Variants in LRBA observed in about 807,000 individuals in gnomAD.
LRBA encodes the protein LPS responsive beige-like anchor protein.
LRBA carries 176 observed loss-of-function variants against 330.0 expected under a neutral mutation model. The ratio of observed to expected loss-of-function variants is 0.53; its 90% confidence interval spans 0.47 to 0.60. The LOEUF is 0.60. Ranked by LOEUF, LRBA falls within the 20% of genes least tolerant of loss-of-function variation. The pLI is 0.00. For synonymous variants in LRBA, 1,230 were observed against 1,193.0 expected (o/e 1.03, Z -0.64); for missense variants, 3,259 against 3,444.8 (o/e 0.95, Z 1.35).
intron 2 of LRBA, among the ~76,000 whole-genome samples, chr4:150,963,328 G>T (rs1282997767): frequency 6.7e-6 from 1 of 149,374 alleles, no homozygotes; most frequent in Non-Finnish European, 1.5e-5. Flanking sequence ...TGGGATTGCA[G>T]GCATGCGCCA....
At chr4:150,640,906 C>T (rs955320389) in intron 37 of LRBA, among the ~76,000 whole-genome samples, 1 of 152,196 alleles carries the variant, frequency 6.6e-6, no homozygotes, top group Non-Finnish European at 1.5e-5. Context: ...TTATGACCTG[C>T]TTTTATCTGT....
At chr4:150,796,100 T>C (rs758833819) in intron 34 of LRBA, among the ~76,000 whole-genome samples, 2 of 151,934 alleles carry the variant, frequency 1.3e-5, no homozygotes, top group Non-Finnish European at 2.9e-5. Flanking sequence ...AATTAAAATT[T>C]TAGCAAGATG....
chr4:150,629,096 C>T (rs752294423), intron 37 of LRBA, among the ~76,000 whole-genome samples: 1 of 152,074 alleles, frequency 6.6e-6, no homozygotes, highest in Non-Finnish European at 1.5e-5. Context: ...GAGACCAGAT[C>T]TCACTATATT....
chr4:150,645,673 A>G (rs1020983624), intron 37 of LRBA, among the ~76,000 whole-genome samples: 1 of 151,972 alleles, frequency 6.6e-6, no homozygotes. Flanking sequence ...AAATCTAACA[A>G]TTATATAAAT....
intron 2 of LRBA, among the ~76,000 whole-genome samples, chr4:150,965,651 C>T (rs920743206): frequency 9.2e-5 from 14 of 152,034 alleles, no homozygotes; most frequent in African/African-American, 2.7e-4. Context: ...GGGATCCTCC[C>T]GCCTCAGCCT....
chr4:150,702,811 A>T (rs890727651), intron 36 of LRBA, among the ~76,000 whole-genome samples: 1 of 152,224 alleles, frequency 6.6e-6, no homozygotes, highest in African/African-American at 2.4e-5. Context: ...CAAGTATTAT[A>T]CAAAGTCCAT....
chr4:150,923,386 A>C (rs1250419450), intron 4 of LRBA, among the ~76,000 whole-genome samples: 1 of 152,014 alleles, frequency 6.6e-6, no homozygotes, highest in Non-Finnish European at 1.5e-5. Context: ...AAATGTTCTC[A>C]AAAGGACCCC....
chr4:150,395,139 T>C (rs1484816233), intron 47 of LRBA, among the ~76,000 whole-genome samples: 1 of 152,144 alleles, frequency 6.6e-6, no homozygotes, highest in East Asian at 1.9e-4. Context: ...TATCTATTAC[T>C]AAAGAAGATA....
chr4:150,468,342 T>C (rs545317321), intron 43 of LRBA, among the ~76,000 whole-genome samples: 4 of 152,136 alleles, frequency 2.6e-5, no homozygotes, highest in African/African-American at 9.6e-5. Context: ...AATCCTATAA[T>C]CCTCTGAAAA....
chr4:150,561,453 A>G (rs10030673), intron 40 of LRBA, among the ~76,000 whole-genome samples: 80,780 of 152,036 alleles, frequency 0.53, 21,503 homozygotes, highest in East Asian at 0.59. Flanking sequence ...ATTATAACAG[A>G]GAGATTAACC....
At chr4:150,519,809 C>T (rs1467326809) in intron 40 of LRBA, among the ~76,000 whole-genome samples, 2 of 152,132 alleles carry the variant, frequency 1.3e-5, no homozygotes, top group African/African-American at 2.4e-5. Flanking sequence ...TTTTACACTC[C>T]CATCTGCAAT....
intron 40 of LRBA, chr4:150,579,884 G>A: frequency 2.7e-6 from 1 of 368,144 alleles, no homozygotes; most frequent in Admixed American, 3.2e-5. Flanking sequence ...CGACCACCTC[G>A]AGAGTGGGGC....
chr4:150,305,366 G>A (rs552621758), intron 52 of LRBA, among the ~76,000 whole-genome samples: 4 of 152,316 alleles, frequency 2.6e-5, no homozygotes, highest in South Asian at 2.1e-4. Flanking sequence ...TTCAGTCATG[G>A]TGGTTCCTTT....
intron 53 of LRBA, 67 bp downstream of exon 53, chr4:150,302,558 A>G: frequency 9.2e-7 from 1 of 1,091,618 alleles, no homozygotes; most frequent in Non-Finnish European, 1.3e-6. Context: ...CAAAAAGGTA[A>G]CTTTACTGCA....
chr4:150,857,507 G>A (rs1168338585), intron 22 of LRBA, among the ~76,000 whole-genome samples: 1 of 152,078 alleles, frequency 6.6e-6, no homozygotes, highest in African/African-American at 2.4e-5. Context: ...TGCAAATCTA[G>A]CGTATAAACT....
rs112076452 is a variant in LRBA, at chr4:150,912,506, T to C, written c.1161+1689A>G. 8.3e-3 allele frequency among the ~76,000 whole-genome samples: 1,270 copies of C among 152,342 alleles called. 18 individuals carry two copies. Among genetic ancestry groups the C allele is most frequent in the African/African-American group, 0.029 (1,217 of 41,568 alleles). On this transcript the variant is annotated intron_variant, in intron 9 of 56. Coordinates refer to ENST00000651943, the MANE Select transcript of LRBA (RefSeq NM_001364905.1). ...GTTTCCCACTGATTCTACATTATGG[T>C]GAGTCGTATAATTATTTCATTATAT...
chr4:150,705,144 A>G (rs1252676649), intron 36 of LRBA, among the ~76,000 whole-genome samples: 1 of 152,142 alleles, frequency 6.6e-6, no homozygotes, highest in Non-Finnish European at 1.5e-5. Context: ...TCCCCCTTCA[A>G]TAGTACCAGG....
At chr4:150,706,187 G>A (rs979169532) in intron 36 of LRBA, among the ~76,000 whole-genome samples, 1 of 151,792 alleles carries the variant, frequency 6.6e-6, no homozygotes, top group African/African-American at 2.4e-5. Flanking sequence ...GAGGAACATA[G>A]ACCTATTAGT....
Position 150,903,757 on chromosome 4 carries a change from CG to C in LRBA, c.1755+2080del, listed in dbSNP as rs1291104589. ...ATAAGTAAACAGAATTTAGTAGCAA[CG>C]TATAGAGATGAATGAAAGACCTCAA... On this transcript the variant is annotated intron_variant, in intron 13 of 56. Coordinates refer to ENST00000651943, the MANE Select transcript of LRBA (RefSeq NM_001364905.1). Among the ~76,000 whole-genome samples the C allele has an allele frequency of 5.3e-5, 8 of 152,142 alleles. No individual in the cohort carries two copies. The East Asian group carries it at 7.7e-4, about 15-fold the overall frequency.
Sources: gnomAD v4.1 joint callset for allele counts (sites outside exome capture counted in the v4.1 genomes callset) on GRCh38, gnomAD v4.1.1 for gene constraint, MANE v1.5 for transcripts, NCBI Gene and HGNC (gene_info 2026-07-23, HGNC 2026-07-21) for gene names.